The following MRPL48 variants were observed in gnomAD, a reference collection of about 807,000 sequenced individuals.
MRPL48 encodes the protein mitochondrial ribosomal protein L48.
Under a neutral mutation model 32.9 loss-of-function variants are expected in MRPL48, and 16 were observed. That is an observed-to-expected ratio of 0.49 (90% CI 0.33 to 0.74). MRPL48 has a LOEUF of 0.74. Ranked by LOEUF, MRPL48 falls within the 30% of genes least tolerant of loss-of-function variation. The pLI is 0.02. For missense variants in MRPL48, 206 were observed against 245.3 expected (o/e 0.84, Z 1.07); for synonymous variants, 94 against 89.2 (o/e 1.05, Z -0.31).
chr11:73,802,192 C>T (rs952300179), intron 1 of MRPL48: 3 of 152,162 alleles, frequency 2.0e-5, no homozygotes, highest in East Asian at 1.9e-4. Context: ...GCTTGTTGTT[C>T]GCACCACCTA....
intron 4 of MRPL48, chr11:73,842,321 C>T (rs963723661): frequency 6.6e-6 from 1 of 152,162 alleles, no homozygotes; most frequent in Non-Finnish European, 1.5e-5. Context: ...TATGTAATTA[C>T]ACACATGCAC....
Position 73,844,870 on chromosome 11 carries a change from G to A in MRPL48, c.265G>A (p.Gly89Arg), listed in dbSNP as rs1037366024. The A allele has an allele frequency of 6.2e-7, 1 of 1,613,582 alleles. No individual in the cohort carries two copies. The highest frequency in any genetic ancestry group is 1.3e-5 in the African/African-American group (1 of 74,910). Residue 89 changes from glycine (G) to arginine (R), a missense_variant, in exon 5 of 8, where the codon GGG (glycine) becomes AGG (arginine). Coordinates refer to ENST00000310614, the MANE Select transcript of MRPL48 (RefSeq NM_016055.6). ...AINLGTDYEYGVLNIHLTAYD... is the reference protein window; with the variant it reads ...AINLGTDYEYRVLNIHLTAYD... Reference sequence around the variant, plus strand: ...TAATTTGGGGACAGATTATGAATATGGGGTTTTAAATATTCATCTGACTGC... The same window carrying A: ...TAATTTGGGGACAGATTATGAATATAGGGTTTTAAATATTCATCTGACTGC...
intron 3 of MRPL48, among the ~76,000 whole-genome samples, chr11:73,823,838 A>ATG (rs1229052239): frequency 1.3e-5 from 2 of 150,478 alleles, no homozygotes; most frequent in Non-Finnish European, 3.0e-5. Context: ...GTCTACCACA[A>ATG]TGTATATATA....
At chr11:73,816,651 A>T (rs934127852) in intron 3 of MRPL48, among the ~76,000 whole-genome samples, 1 of 150,466 alleles carries the variant, frequency 6.6e-6, no homozygotes, top group Non-Finnish European at 1.5e-5. Flanking sequence ...TTTAGTAGAG[A>T]CGGGGTTTCT....
intron 5 of MRPL48, among the ~76,000 whole-genome samples, chr11:73,853,163 T>C (rs970024941): frequency 6.6e-6 from 1 of 152,118 alleles, no homozygotes; most frequent in African/African-American, 2.4e-5. Flanking sequence ...AAAGATTGAA[T>C]AAGATCTAAT....
At chr11:73,858,954 C>T (rs1018442589) in intron 5 of MRPL48, among the ~76,000 whole-genome samples, 9 of 152,208 alleles carry the variant, frequency 5.9e-5, no homozygotes, top group African/African-American at 1.9e-4. Context: ...CTTGCTGAAG[C>T]TGATTTTAGT....
chr11:73,819,767 C>T (rs1346968987), intron 3 of MRPL48, among the ~76,000 whole-genome samples: 2 of 152,056 alleles, frequency 1.3e-5, no homozygotes, highest in Non-Finnish European at 2.9e-5. Flanking sequence ...GGTGTGGTGG[C>T]ACACCCTGTA....
intron 4 of MRPL48, chr11:73,843,295 G>A (rs922154133): frequency 2.7e-5 from 4 of 148,652 alleles, no homozygotes; most frequent in Non-Finnish European, 4.4e-5. Flanking sequence ...GCGTGATCTC[G>A]GCGCACTTCA....
intron 3 of MRPL48, among the ~76,000 whole-genome samples, chr11:73,819,727 T>C (rs1947738808): frequency 6.6e-6 from 1 of 151,862 alleles, no homozygotes; most frequent in Non-Finnish European, 1.5e-5. Context: ...TAACCTGGTG[T>C]GGTGGCACGC....
intron 5 of MRPL48, 23 bp downstream of exon 5, chr11:73,844,999 G>T: frequency 6.3e-7 from 1 of 1,591,868 alleles, no homozygotes; most frequent in Non-Finnish European, 8.6e-7. Context: ...CTTTTGTATG[G>T]GATGTTCTTG....
chr11:73,835,005 A>G (rs985011399), intron 4 of MRPL48, among the ~76,000 whole-genome samples: 3 of 145,466 alleles, frequency 2.1e-5, no homozygotes, highest in African/African-American at 7.7e-5. Flanking sequence ...CTAATTTTTA[A>G]ATTTTTTTGT....
chr11:73,796,648 T>C (rs1947258613), intron 1 of MRPL48, among the ~76,000 whole-genome samples: 1 of 152,188 alleles, frequency 6.6e-6, no homozygotes. Flanking sequence ...AGGGAGTGCC[T>C]GAAGTCTGGG....
At chr11:73,808,923 CAAA>C (rs879556778) in intron 3 of MRPL48, among the ~76,000 whole-genome samples, 1 of 126,646 alleles carries the variant, frequency 7.9e-6, no homozygotes, top group Non-Finnish European at 1.7e-5. Flanking sequence ...GACTTCATCT[CAAA>C]AAAAAAAAAA....
intron 4 of MRPL48, among the ~76,000 whole-genome samples, chr11:73,830,005 G>A (rs775001250): frequency 1.4e-4 from 21 of 152,116 alleles, no homozygotes; most frequent in Non-Finnish European, 2.2e-4. Flanking sequence ...TAAGTGATCC[G>A]TCTGCCTCAG....
intron 3 of MRPL48, among the ~76,000 whole-genome samples, chr11:73,822,155 T>C (rs1947795791): frequency 6.6e-6 from 1 of 152,136 alleles, no homozygotes; most frequent in African/African-American, 2.4e-5. Flanking sequence ...GTCAGGAAGA[T>C]ACCTTGGTTA....
chr11:73,794,059 T>C (rs1947200223), intron 1 of MRPL48, among the ~76,000 whole-genome samples: 1 of 151,844 alleles, frequency 6.6e-6, no homozygotes, highest in South Asian at 2.1e-4. Context: ...TGGTGGCATG[T>C]TCCTTTAGTC....
intron 4 of MRPL48, among the ~76,000 whole-genome samples, chr11:73,837,150 G>C (rs1948117817): frequency 6.6e-6 from 1 of 152,152 alleles, no homozygotes; most frequent in Admixed American, 6.6e-5. Flanking sequence ...AGGCATATCA[G>C]CCTTTTTGTT....
chr11:73,830,269 T>A (rs1254395364), intron 4 of MRPL48, among the ~76,000 whole-genome samples: 1 of 152,234 alleles, frequency 6.6e-6, no homozygotes, highest in South Asian at 2.1e-4. Flanking sequence ...TAACCCACTA[T>A]CTGCAAACAC....
intron 3 of MRPL48, among the ~76,000 whole-genome samples, chr11:73,812,479 A>G (rs1278742425): frequency 1.3e-5 from 2 of 152,060 alleles, no homozygotes; most frequent in African/African-American, 4.8e-5. Flanking sequence ...TTGCCAGACT[A>G]TCCACCAGAG....
Sources: gnomAD v4.1 joint callset for allele counts (sites outside exome capture counted in the v4.1 genomes callset) on GRCh38, gnomAD v4.1.1 for gene constraint, MANE v1.5 for transcripts, NCBI Gene and HGNC (gene_info 2026-07-23, HGNC 2026-07-21) for gene names.